NRG3: variants seen among roughly 807,000 people sequenced by gnomAD.
The protein encoded by NRG3 is pro-neuregulin-3, membrane-bound isoform.
NRG3 carries 31 observed loss-of-function variants against 66.9 expected under a neutral mutation model. The ratio of observed to expected loss-of-function variants is 0.46; its 90% CI spans 0.35 to 0.63. NRG3 has a LOEUF of 0.63. Among genes scored for constraint, NRG3 ranks in the 20% least tolerant of loss-of-function variants. The pLI is 0.00. For synonymous variants in NRG3, 393 were observed against 359.4 expected (o/e 1.09, Z -1.06); for missense variants, 910 against 878.9 (o/e 1.04, Z -0.45).
chr10:81,894,336 A>G (rs1181156206), intron 1 of NRG3, among the ~76,000 whole-genome samples: 3 of 152,116 alleles, frequency 2.0e-5, no homozygotes, highest in Non-Finnish European at 4.4e-5. Context: ...TCAAAAAAGG[A>G]AAGAAAGAAA....
At chr10:82,461,329 C>T (rs943939692) in intron 2 of NRG3, among the ~76,000 whole-genome samples, 1 of 151,890 alleles carries the variant, frequency 6.6e-6, no homozygotes, top group Non-Finnish European at 1.5e-5. Flanking sequence ...TCACCACCAC[C>T]ACCACCATCA....
chr10:82,293,591 A>G (rs2079867539), intron 1 of NRG3, among the ~76,000 whole-genome samples: 1 of 152,166 alleles, frequency 6.6e-6, no homozygotes, highest in African/African-American at 2.4e-5. Flanking sequence ...CTGAAATTCT[A>G]CAGCTAATTT....
chr10:82,171,547 C>T (rs1198915546), intron 1 of NRG3, among the ~76,000 whole-genome samples: 2 of 152,092 alleles, frequency 1.3e-5, no homozygotes, highest in African/African-American at 4.8e-5. Flanking sequence ...ATGTTTCCTT[C>T]ATCAGAGCAG....
intron 1 of NRG3, among the ~76,000 whole-genome samples, chr10:82,122,406 C>A (rs919028159): frequency 6.6e-6 from 1 of 152,110 alleles, no homozygotes; most frequent in Non-Finnish European, 1.5e-5. Flanking sequence ...TAGCATGACT[C>A]GGACTGGTAT....
intron 2 of NRG3, among the ~76,000 whole-genome samples, chr10:82,607,872 A>T (rs977966303): frequency 6.6e-6 from 1 of 152,164 alleles, no homozygotes; most frequent in South Asian, 2.1e-4. Flanking sequence ...GAGAAGTCCC[A>T]GTCCCTCCCT....
intron 1 of NRG3, among the ~76,000 whole-genome samples, chr10:82,038,736 A>G (rs1158908768): frequency 6.6e-6 from 1 of 152,124 alleles, no homozygotes; most frequent in Non-Finnish European, 1.5e-5. Flanking sequence ...TTCTGGGACT[A>G]CCACCTGAAC....
rs183143255 is a variant in NRG3, at chr10:82,741,532, G to A, written c.1027+2882G>A. Among the ~76,000 whole-genome samples the A allele has an allele frequency of 1.7e-3, 260 of 152,228 alleles. 2 individuals carry two copies. The highest frequency in any genetic ancestry group is 6.1e-3 in the African/African-American group (252 of 41,530). ...CTCACTATAATTGTTACTAATACGC[G>A]TTTAAATGATACATGTGCCAGGCAC... On this transcript the variant is annotated intron_variant, in intron 3 of 8. Coordinates refer to ENST00000372141, the MANE Select transcript of NRG3 (RefSeq NM_001010848.4).
At position 82,702,821 on chromosome 10, in the gene NRG3, A is replaced by G. The variant is rs2055988716; in HGVS notation, c.954-35756A>G. 2.6e-5 allele frequency among the ~76,000 whole-genome samples: 4 copies of G among 152,190 alleles called. No individual in the cohort carries two copies. The South Asian group carries it at 6.2e-4, about 24-fold the overall frequency. On this transcript the variant is annotated intron_variant, in intron 2 of 8. Transcript: ENST00000372141. ...TTTTCTGAGTAAATAATAAGGGACA[A>G]TATCTTTGTATCAGATGTACATAAA...
rs972481133 is a variant in NRG3 at position 82,575,674 on chromosome 10, C to A, written c.954-162903C>A. ...CACAAAACAAACAAACAAACAAAGA[C>A]CACTTCATATTAGCATTTCCTATGG... On this transcript the variant is annotated intron_variant, in intron 2 of 8. Transcript: ENST00000372141. Among the ~76,000 whole-genome samples the A allele has an allele frequency of 5.3e-5, 8 of 151,840 alleles. No individual in the cohort carries two copies. In the East Asian group the frequency reaches 1.6e-3, roughly 29 times the overall value.
intron 1 of NRG3, among the ~76,000 whole-genome samples, chr10:82,062,558 G>A (rs893418418): frequency 2.0e-5 from 3 of 151,200 alleles, no homozygotes; most frequent in African/African-American, 7.3e-5. Flanking sequence ...GTGAGCCAAG[G>A]TCACGCTACT....
intron 1 of NRG3, among the ~76,000 whole-genome samples, chr10:82,124,014 T>A (rs1231938630): frequency 6.6e-6 from 1 of 152,004 alleles, no homozygotes; most frequent in Non-Finnish European, 1.5e-5. Context: ...AAAGATCAAA[T>A]CCTTCAGACC....
In NRG3 at chr10:82,883,068, G is replaced by A. The variant is rs112812178; in HGVS notation, c.1054+17631G>A. 1.9e-4 allele frequency among the ~76,000 whole-genome samples: 29 copies of A among 152,274 alleles called. 1 individual carries two copies. The highest frequency in any genetic ancestry group is 6.5e-4 in the African/African-American group (27 of 41,556). ...TCTCTAAAAATATTTACTTTTATAA[G>A]TTTATGATGCTCTCAATGTGTAGAA... On this transcript the variant is annotated intron_variant, in intron 4 of 8. Coordinates refer to ENST00000372141, the MANE Select transcript of NRG3 (RefSeq NM_001010848.4).
intron 2 of NRG3, among the ~76,000 whole-genome samples, chr10:82,723,275 G>A (rs375956165): frequency 2.6e-5 from 4 of 152,078 alleles, no homozygotes; most frequent in African/African-American, 9.7e-5. Context: ...GGTTTACATG[G>A]ACATAAAAAT....
intron 1 of NRG3, among the ~76,000 whole-genome samples, chr10:82,054,625 A>C (rs2063747080): frequency 6.6e-6 from 1 of 152,168 alleles, no homozygotes; most frequent in African/African-American, 2.4e-5. Context: ...ATTGAGCTCC[A>C]AGGGACTCCA....
intron 2 of NRG3, among the ~76,000 whole-genome samples, chr10:82,587,938 T>C (rs2046769358): frequency 6.6e-6 from 1 of 152,254 alleles, no homozygotes; most frequent in Non-Finnish European, 1.5e-5. Context: ...TGTGTTGTTT[T>C]ACAAGATTGA....
intron 1 of NRG3, among the ~76,000 whole-genome samples, chr10:82,044,691 G>T (rs377154749): frequency 6.6e-6 from 1 of 151,796 alleles, no homozygotes. Context: ...TCTTCATTTA[G>T]CATTAGGTAT....
At chr10:82,950,414 T>C (rs1046501740) in intron 4 of NRG3, among the ~76,000 whole-genome samples, 1 of 152,098 alleles carries the variant, frequency 6.6e-6, no homozygotes, top group East Asian at 1.9e-4. Context: ...GGCAGGCTGA[T>C]GACATTGTTA....
chr10:82,579,500 C>A (rs918257010), intron 2 of NRG3, among the ~76,000 whole-genome samples: 3 of 151,946 alleles, frequency 2.0e-5, no homozygotes, highest in Non-Finnish European at 4.4e-5. Flanking sequence ...GTCAGGCTTT[C>A]ACAATTCCAT....
At chr10:82,608,308 G>A (rs1351095475) in intron 2 of NRG3, among the ~76,000 whole-genome samples, 1 of 152,058 alleles carries the variant, frequency 6.6e-6, no homozygotes, top group Non-Finnish European at 1.5e-5. Flanking sequence ...TTCTTTTTAT[G>A]TAAGGTGTAT....
Sources: allele counts gnomAD v4.1 joint callset (sites outside exome capture counted in the v4.1 genomes callset), GRCh38; gene constraint gnomAD v4.1.1; transcripts MANE v1.5; gene names NCBI Gene and HGNC (gene_info 2026-07-23, HGNC 2026-07-21).